Variants in SLC36A4 observed in about 807,000 individuals in gnomAD.
The protein encoded by SLC36A4 is solute carrier family 36 member 4, also known as neutral amino acid uniporter 4.
SLC36A4 carries 49 observed loss-of-function variants against 50.5 expected under a neutral mutation model. The observed-to-expected ratio is 0.97, with a 90% CI of 0.77 to 1.23. SLC36A4 has a LOEUF of 1.23. Ranked by LOEUF, SLC36A4 falls within the 50% of genes most tolerant of loss-of-function variation. The probability of loss-of-function intolerance (pLI) is 0.00; values close to 1 mark genes in which losing one functional copy is unlikely to be tolerated. For missense variants in SLC36A4, 611 were observed against 608.4 expected (o/e 1.00, Z -0.05); for synonymous variants, 207 against 206.5 (o/e 1.00, Z -0.02).
rs1353637965 is a variant in SLC36A4, at chr11:93,175,439, C to G, written c.540+5358G>C. ...ATTTTTTGAAGGGTTTTTTGTGTCT[C>G]TATTTCCTTCAGTTCTGCTGTGATT... On this transcript the variant is annotated intron_variant, in intron 6 of 10. Transcript: ENST00000326402. Among the ~76,000 whole-genome samples, 80 of 151,310 alleles carry G rather than the reference C, an allele frequency of 5.3e-4. 1 individual carries two copies. The highest frequency in any genetic ancestry group is 4.9e-3 in the Admixed American group (75 of 15,168).
At chr11:93,164,002 C>T (rs1354672332) in intron 8 of SLC36A4, among the ~76,000 whole-genome samples, 1 of 152,052 alleles carries the variant, frequency 6.6e-6, no homozygotes, top group Non-Finnish European at 1.5e-5. Flanking sequence ...GATGCTTTAG[C>T]CTCATCTTGC....
chr11:93,153,837 ACAT>A, intron 10 of SLC36A4: 1 of 182,594 alleles, frequency 5.5e-6, no homozygotes, highest in Non-Finnish European at 1.1e-5. Context: ...TCCCATGTAC[ACAT>A]TATTTTAATC....
In SLC36A4 at chr11:93,144,998, T is replaced by G. The variant is rs1009484210; in HGVS notation, c.*3539A>C. 2.0e-5 allele frequency: 3 copies of G among 152,022 alleles called. No individual in the cohort carries two copies. Among genetic ancestry groups the G allele is most frequent in the Non-Finnish European group, 4.4e-5 (3 of 67,968 alleles). 9.4% of individuals were successfully genotyped at this position (152,022 alleles called of 1,614,324 possible). Reference sequence around the variant, plus strand: ...TAGCTCTATTTCAAATCTTCTCCTTTTAAATGAAGAAAGAAGTGAGGTCAA... The same window carrying G: ...TAGCTCTATTTCAAATCTTCTCCTTGTAAATGAAGAAAGAAGTGAGGTCAA... On this transcript the variant is annotated 3_prime_UTR_variant, in exon 11 of 11. Coordinates refer to ENST00000326402, the MANE Select transcript of SLC36A4 (RefSeq NM_152313.4).
At position 93,148,833 on chromosome 11, in the gene SLC36A4, T is replaced by G; in HGVS notation, c.1219A>C (p.Ile407Leu). ...FLVSITCAGA[I>L]LIPRLDIVIS... ...ACAATGTCTAAACGAGGAATAAGAA[T>G]TGCTCCGGCACCTAGAAAATGAAAA... Residue 407 changes from isoleucine (I) to leucine (L), a missense_variant, in exon 11 of 11, where the codon ATT becomes CTT. Coordinates refer to ENST00000326402, the MANE Select transcript of SLC36A4 (RefSeq NM_152313.4). 6.2e-7 allele frequency: 1 copy of G among 1,608,818 alleles called. No homozygotes were observed. Among genetic ancestry groups the G allele is most frequent in the Non-Finnish European group, 8.5e-7 (1 of 1,178,386 alleles).
Position 93,184,538 on chromosome 11 carries a change from TA to T in SLC36A4, c.180-19del. 7.1e-7 allele frequency: 1 copy of T among 1,411,218 alleles called. No homozygotes were observed. Among genetic ancestry groups the T allele is most frequent in the Non-Finnish European group, 1.0e-6 (1 of 1,000,714 alleles). The allele number at this position is 1,411,218 out of a possible 1,614,324, so 87.4% of individuals were successfully genotyped here. On this transcript the variant is annotated intron_variant, in intron 2 of 10. Transcript: ENST00000326402. Reference sequence around the variant, plus strand: ...GTACAAATCTGAAAAGTAAAAGTTGTAAGACTTAAATATTTTAGAACAAAAT... The same window carrying T: ...GTACAAATCTGAAAAGTAAAAGTTGTAGACTTAAATATTTTAGAACAAAAT...
At chr11:93,149,704 G>A (rs1859991086) in intron 10 of SLC36A4, among the ~76,000 whole-genome samples, 1 of 152,058 alleles carries the variant, frequency 6.6e-6, no homozygotes, top group African/African-American at 2.4e-5. Context: ...AGTCAAGATT[G>A]GAAGACACAA....
At chr11:93,150,561 C>A (rs1000501379) in intron 10 of SLC36A4, among the ~76,000 whole-genome samples, 1 of 152,084 alleles carries the variant, frequency 6.6e-6, no homozygotes, top group Non-Finnish European at 1.5e-5. Context: ...AGCTTTACAT[C>A]TATAGGGCTG....
At chr11:93,177,381 C>T (rs564604581) in intron 6 of SLC36A4, among the ~76,000 whole-genome samples, 9 of 152,102 alleles carry the variant, frequency 5.9e-5, no homozygotes, top group East Asian at 5.8e-4. Context: ...AGCTTCTCTG[C>T]GAAGGGTTCG....
intron 6 of SLC36A4, chr11:93,171,846 T>C (rs1415924367): frequency 6.6e-6 from 1 of 152,156 alleles, no homozygotes; most frequent in African/African-American, 2.4e-5. Flanking sequence ...CAAAAGGACA[T>C]CATCTATAAC....
chr11:93,185,753 T>C lies in SLC36A4; in HGVS notation c.117A>G (p.Glu39=), dbSNP rs1861957656. Residue 39 remains glutamate (E), a synonymous_variant, in exon 2 of 11, where the codon GAA becomes GAG. Transcript: ENST00000326402. ...GAACAGGCAGAAGCTCTTGCTCATG[T>C]TCTTCATCTGATGTCCCATCAAAAT... The part of the protein sequence containing the change: ...EQNFDGTSDE[E]HEQELLPVQK... 6.2e-7 allele frequency: 1 copy of C among 1,609,098 alleles called. No homozygotes were observed.
chr11:93,179,827 T>C (rs1240931009), intron 6 of SLC36A4, among the ~76,000 whole-genome samples: 5 of 152,198 alleles, frequency 3.3e-5, no homozygotes, highest in Non-Finnish European at 7.4e-5. Flanking sequence ...TTTGTTTACA[T>C]ATTGTTGCCT....
At chr11:93,185,028 T>C (rs994406582) in intron 2 of SLC36A4, among the ~76,000 whole-genome samples, 2 of 152,140 alleles carry the variant, frequency 1.3e-5, no homozygotes, top group East Asian at 1.9e-4. Context: ...TTTAAAACTA[T>C]ATGAATCAAC....
intron 5 of SLC36A4, among the ~76,000 whole-genome samples, chr11:93,181,458 A>G (rs1439661075): frequency 1.3e-5 from 2 of 152,104 alleles, no homozygotes; most frequent in African/African-American, 2.4e-5. Context: ...GTATTACTGT[A>G]AACTCATTTC....
In SLC36A4 at chr11:93,155,330, G is replaced by C. The variant is rs182834553; in HGVS notation, c.1038-1053C>G. On this transcript the variant is annotated intron_variant, in intron 9 of 10. Transcript: ENST00000326402. ...TCTTTCAGCAGAAACATCTTCCCAC[G>C]GTTTTCTCATTTAAGAGTTCTACTT... is the stretch of plus-strand genomic sequence containing the variant. 1.3e-4 allele frequency: 20 copies of C among 151,988 alleles called. 1 individual carries two copies. Among genetic ancestry groups the C allele is most frequent in the Non-Finnish European group, 2.1e-4 (14 of 67,992 alleles). 9.4% of individuals were successfully genotyped at this position (151,988 alleles called of 1,614,324 possible).
At chr11:93,172,018 C>T (rs1362396625) in intron 6 of SLC36A4, 1 of 152,122 alleles carries the variant, frequency 6.6e-6, no homozygotes, top group Non-Finnish European at 1.5e-5. Context: ...GTAGTCACAG[C>T]ACATATGAGG....
intron 6 of SLC36A4, among the ~76,000 whole-genome samples, chr11:93,169,011 A>G (rs1034925937): frequency 2.6e-5 from 4 of 152,134 alleles, no homozygotes; most frequent in African/African-American, 9.7e-5. Flanking sequence ...AGATGCAGAT[A>G]ATACTATAAC....
At chr11:93,167,242 T>A (rs1010714647) in intron 7 of SLC36A4, 3 of 152,122 alleles carry the variant, frequency 2.0e-5, no homozygotes, top group African/African-American at 7.2e-5. Flanking sequence ...ATATATAAGA[T>A]TAATTAGATC....
chr11:93,180,859 C>T lies in SLC36A4; in HGVS notation c.478G>A (p.Val160Met), dbSNP rs974870460. 21 of 1,612,540 alleles carry T rather than the reference C, an allele frequency of 1.3e-5. No individual in the cohort carries two copies. Among genetic ancestry groups the T allele is most frequent in the Non-Finnish European group, 1.7e-5 (20 of 1,179,112 alleles). The change falls in exon 6 of 11, where the codon GTG (valine) becomes ATG (methionine). Residue 160 changes from valine (V) to methionine (M), a missense_variant. Transcript: ENST00000326402. ...WGRSVVDFFL[V>M]ITQLGFCSVY... ...CTACAGAATCCCAGCTGTGTTATCA[C>T]CAGAAAAAAGTCAACCACACTCCTG... is the stretch of plus-strand genomic sequence containing the variant.
intron 3 of SLC36A4, among the ~76,000 whole-genome samples, chr11:93,184,068 G>GA (rs1458028679): frequency 6.6e-6 from 1 of 152,034 alleles, no homozygotes; most frequent in East Asian, 1.9e-4. Context: ...ACAATGTCAC[G>GA]TTACCAATAA....
Sources: gnomAD v4.1 joint callset for allele counts (sites outside exome capture counted in the v4.1 genomes callset) on GRCh38, gnomAD v4.1.1 for gene constraint, MANE v1.5 for transcripts, NCBI Gene and HGNC (gene_info 2026-07-23, HGNC 2026-07-21) for gene names.